Variants in UBR4 observed in about 807,000 individuals in gnomAD.
UBR4 encodes the protein E3 ubiquitin-protein ligase UBR4.
Under a neutral mutation model 575.6 loss-of-function variants are expected in UBR4, and 124 were observed. The ratio of observed to expected loss-of-function variants is 0.22; its 90% CI spans 0.19 to 0.25. The LOEUF (loss-of-function observed/expected upper bound fraction) is 0.25, where lower values mean the gene tolerates loss of function less well. UBR4 is among the 10% of genes least tolerant of loss of function. The pLI is 1.00. For synonymous variants in UBR4, 2,455 were observed against 2,473.7 expected, an observed-to-expected ratio of 0.99 and a Z score of 0.22; for missense variants, 4,818 against 6,478.8, an observed-to-expected ratio of 0.74 and a Z score of 8.80.
At chr1:19,142,434 G>A (rs1398245472) in intron 55 of UBR4, among the ~76,000 whole-genome samples, 1 of 152,226 alleles carries the variant, frequency 6.6e-6, no homozygotes, top group Non-Finnish European at 1.5e-5. Context: ...GCTAAAGCTT[G>A]TAAATATGTC....
At chr1:19,169,192 A>G (rs940626970) in intron 27 of UBR4, among the ~76,000 whole-genome samples, 1 of 152,196 alleles carries the variant, frequency 6.6e-6, no homozygotes, top group African/African-American at 2.4e-5. Flanking sequence ...ATTGGTGAAG[A>G]AACTGAGGCT....
Position 19,154,911 on chromosome 1 carries a change from T to C in UBR4, c.6458+7A>G, listed in dbSNP as rs369335776. 2.6e-5 allele frequency: 42 copies of C among 1,614,190 alleles called. No homozygotes were observed. The highest frequency in any genetic ancestry group is 3.5e-5 in the Non-Finnish European group (41 of 1,180,002). On this transcript the variant is annotated splice_region_variant and intron_variant, in intron 44 of 105. Transcript: ENST00000375254. ...GCGGAAGTTGAACATTAAATGTTCATTCCCACCTTTTGATGTTGATGGGGA... is the reference window on the plus strand; with the variant it reads ...GCGGAAGTTGAACATTAAATGTTCACTCCCACCTTTTGATGTTGATGGGGA...
intron 103 of UBR4, chr1:19,079,272 G>C (rs2076252768): frequency 6.6e-6 from 1 of 152,090 alleles, no homozygotes; most frequent in African/African-American, 2.4e-5. Context: ...ATATTAAATG[G>C]GGACAATTCC....
Position 19,117,349 on chromosome 1 carries a change from G to A in UBR4, c.10695C>T (p.Leu3565=). 6.2e-7 allele frequency: 1 copy of A among 1,614,154 alleles called. No individual in the cohort carries two copies. The highest frequency in any genetic ancestry group is 8.5e-7 in the Non-Finnish European group (1 of 1,180,030). ...RYTTTQQVVK[L]IGSHTISKVT... ...CTTTGCTGATGGTGTGACTGCCAAT[G>A]AGCTTCACAACCTGCTGGGTGGTGG... is the stretch of plus-strand genomic sequence containing the variant. Residue 3565 remains leucine, a synonymous_variant, in exon 73 of 106, where the codon CTC becomes CTT. Coordinates refer to ENST00000375254, the MANE Select transcript of UBR4 (RefSeq NM_020765.3). The surrounding 1 kb of genome is among the most constrained non-coding windows in gnomAD (Gnocchi z 4.0).
At chr1:19,163,913 A>C in intron 33 of UBR4, 86 bp from the exon 34 acceptor site, 1 of 1,394,482 alleles carries the variant, frequency 7.2e-7, no homozygotes, top group Admixed American at 1.7e-5. Flanking sequence ...ATTAACTTTG[A>C]ATCAATCTGA....
intron 88 of UBR4, among the ~76,000 whole-genome samples, chr1:19,101,272 T>TA (rs34622092): frequency 2.0e-5 from 3 of 152,164 alleles, no homozygotes; most frequent in African/African-American, 4.8e-5. Context: ...ACCTAGTTTT[T>TA]AAAAAAACAT....
At chr1:19,182,305 G>C (rs897158820) in intron 17 of UBR4, among the ~76,000 whole-genome samples, 2 of 151,928 alleles carry the variant, frequency 1.3e-5, no homozygotes, top group Non-Finnish European at 2.9e-5. Context: ...ATTTCTTCTG[G>C]GGTATATAAG....
At position 19,122,945 on chromosome 1, in the gene UBR4, G is replaced by C. The variant is rs754480578; in HGVS notation, c.9704C>G (p.Ser3235Cys). 2.5e-6 allele frequency: 4 copies of C among 1,614,140 alleles called. No individual in the cohort carries two copies. The African/African-American group carries it at 5.3e-5, about 22-fold the overall frequency. Residue 3235 changes from serine to cysteine, a missense_variant, in exon 66 of 106, where the codon TCT becomes TGT. Coordinates refer to ENST00000375254, the MANE Select transcript of UBR4 (RefSeq NM_020765.3). ...CAGCTTCTTGATCCCACGCACGTGAGAGTCCAGGGTGTGCAAATCCCGGAG... is the reference window on the plus strand; with the variant it reads ...CAGCTTCTTGATCCCACGCACGTGACAGTCCAGGGTGTGCAAATCCCGGAG... ...RQLRDLHTLD[S>C]HVRGIKKLLE...
chr1:19,183,749 G>T, intron 17 of UBR4, 62 bp downstream of exon 17: 1 of 1,510,342 alleles, frequency 6.6e-7, no homozygotes, highest in African/African-American at 1.4e-5. Flanking sequence ...AACAATTGGA[G>T]CTGCAGCCTA....
At position 19,164,881 on chromosome 1, in the gene UBR4, T is replaced by C; in HGVS notation, c.4429A>G (p.Lys1477Glu). The change falls in exon 32 of 106, where the codon AAA (lysine) becomes GAA (glutamate). Residue 1477 changes from lysine to glutamate, a missense_variant. Physicochemically the swap from Lys to Glu is moderately conservative, Grantham distance 56. This residue lies in a region of UBR4 where 1,172 missense variants were observed against 1,259.7 expected (regional missense o/e 0.93). Transcript: ENST00000375254. ...WLTRMTTSPP[K>E]DSDQLDVIQE... ...ATTACATCCAGCTGATCAGAATCTT[T>C]TGGGGGCGATGTAGTCATGCGGGTG... 6.2e-7 allele frequency: 1 copy of C among 1,614,106 alleles called. No individual in the cohort carries two copies. The highest frequency in any genetic ancestry group is 8.5e-7 in the Non-Finnish European group (1 of 1,180,006).
intron 77 of UBR4, chr1:19,113,197 G>A: frequency 3.3e-6 from 1 of 303,142 alleles, no homozygotes; most frequent in Non-Finnish European, 6.1e-6. Context: ...GGGTTGAGGG[G>A]GAAGGTAAAC....
Position 19,106,643 on chromosome 1 carries a change from G to C in UBR4, c.12319C>G (p.Gln4107Glu). The C allele has an allele frequency of 1.2e-6, 2 of 1,609,688 alleles. No homozygotes were observed. The highest frequency in any genetic ancestry group is 8.5e-7 in the Non-Finnish European group (1 of 1,177,994). ...LTEKYVWRWK[Q>E]FLSRRGKRTS... ...CTCTTCCCCCGACGACTCAGGAACT[G>C]TTTCCACCTCCACACATACTTCTCA... The change falls in exon 83 of 106, where the codon CAG becomes GAG. Residue 4107 changes from glutamine (Q) to glutamate (E), a missense_variant. This residue lies in a region of UBR4 where 178 missense variants were observed against 175.5 expected (regional missense o/e 1.01). Coordinates refer to ENST00000375254, the MANE Select transcript of UBR4 (RefSeq NM_020765.3).
chr1:19,210,059 C>A lies in UBR4; in HGVS notation c.176+14G>T, dbSNP rs774981247. On this transcript the variant is annotated intron_variant, in intron 1 of 105. Transcript: ENST00000375254. ...CCCACAACAGCGTCGCCCGCCAGAG[C>A]CGCCGCCCGGTACCTCTCGATGACT... 6.5e-7 allele frequency: 1 copy of A among 1,536,996 alleles called. No individual in the cohort carries two copies. The highest frequency in any genetic ancestry group is 2.0e-5 in the Admixed American group (1 of 49,560).
chr1:19,096,028 G>C, intron 92 of UBR4: 1 of 223,180 alleles, frequency 4.5e-6, no homozygotes, highest in Non-Finnish European at 8.9e-6. Flanking sequence ...AACCACATAG[G>C]TCATTTAAAA....
At chr1:19,119,071 C>A in intron 70 of UBR4, 114 bp from the exon 71 acceptor site, 1 of 844,038 alleles carries the variant, frequency 1.2e-6, no homozygotes, top group South Asian at 1.6e-5. Flanking sequence ...CCAGACTTCT[C>A]AGTCAGAATC....
At chr1:19,202,528 CAAGAT>C (rs769788482) in intron 1 of UBR4, among the ~76,000 whole-genome samples, 3 of 152,156 alleles carry the variant, frequency 2.0e-5, no homozygotes, top group East Asian at 1.9e-4. Flanking sequence ...ATCAACAACT[CAAGAT>C]AAGAAGTCAT....
chr1:19,183,129 A>T (rs2091175844), intron 17 of UBR4, among the ~76,000 whole-genome samples: 1 of 152,146 alleles, frequency 6.6e-6, no homozygotes, highest in South Asian at 2.1e-4. Context: ...ACACATTTTA[A>T]TTTGTCTTTC....
intron 34 of UBR4, among the ~76,000 whole-genome samples, 199 bp from the exon 35 acceptor site, chr1:19,162,810 A>G (rs16862577): frequency 0.018 from 2,713 of 152,348 alleles, 72 homozygotes; most frequent in African/African-American, 0.062. Context: ...TACTGAAGTA[A>G]CATGTATTCA....
Position 19,157,907 on chromosome 1 carries a change from T to C in UBR4, c.5668A>G (p.Ser1890Gly). 1.9e-6 allele frequency: 3 copies of C among 1,614,234 alleles called. No individual in the cohort carries two copies. Among genetic ancestry groups the C allele is most frequent in the South Asian group, 1.1e-5 (1 of 91,090 alleles). ...DQGQTIRQLI[S>G]AHVLRRVAMC... is the part of the protein sequence containing the mutation. The stretch of plus-strand genomic sequence containing the variant: ...GCCACCCGCCTGAGCACATGAGCAC[T>C]GATCAGCTGCCGGATGGTCTGGCCC... The change falls in exon 40 of 106, where the codon AGT becomes GGT. Residue 1890 changes from serine (S) to glycine (G), a missense_variant. By Grantham distance (56) the Ser-to-Gly change is moderately conservative. Coordinates refer to ENST00000375254, the MANE Select transcript of UBR4 (RefSeq NM_020765.3). The surrounding 1 kb of genome is among the most constrained non-coding windows in gnomAD (Gnocchi z 4.4).
Sources: gnomAD v4.1 joint callset for allele counts (sites outside exome capture counted in the v4.1 genomes callset) on GRCh38, gnomAD v4.1.1 for gene constraint, gnomAD v4.1.1 regional missense constraint, Gnocchi (gnomAD v3.1) non-coding constraint, MANE v1.5 for transcripts, NCBI Gene and HGNC (gene_info 2026-07-23, HGNC 2026-07-21) for gene names.